ACCSL: variants seen among roughly 807,000 people sequenced by gnomAD.
ACCSL encodes probable inactive 1-aminocyclopropane-1-carboxylate synthase-like protein 2.
A neutral mutation model predicts 61.7 loss-of-function variants in ACCSL; 55 were observed. That is an observed-to-expected ratio of 0.89 (90% CI 0.72 to 1.12). The LOEUF is 1.12. Among genes scored for constraint, ACCSL ranks in the 50% most tolerant of loss-of-function variants. The pLI is 0.00. For synonymous variants in ACCSL, 258 were observed against 264.3 expected (o/e 0.98, Z 0.23); for missense variants, 632 against 698.0 (o/e 0.91, Z 1.07).
the ACCSL span, among the ~76,000 whole-genome samples, chr11:43,958,474 A>C: frequency 1.3e-5 from 2 of 152,178 alleles, no homozygotes; most frequent in African/African-American, 4.8e-5. Flanking sequence ...TCTGATCCCC[A>C]AGTTTTCAGG....
intron 13 of ACCSL, 57 bp from the exon 14 acceptor site, chr11:44,059,781 C>G (rs1952696208): frequency 6.7e-7 from 1 of 1,500,582 alleles, no homozygotes; most frequent in Admixed American, 1.7e-5. Flanking sequence ...ATGTCTGGGA[C>G]CCACCAGCAA....
the ACCSL span, among the ~76,000 whole-genome samples, chr11:44,027,836 A>G: frequency 6.6e-6 from 1 of 152,206 alleles, no homozygotes. Flanking sequence ...AGGACAAGGC[A>G]TATATATAAT....
the ACCSL span, among the ~76,000 whole-genome samples, chr11:44,029,061 A>G: frequency 6.6e-6 from 1 of 152,168 alleles, no homozygotes; most frequent in East Asian, 1.9e-4. Context: ...TGGGGCTATT[A>G]TGATGTCCTC....
chr11:44,032,071 C>T, the ACCSL span, among the ~76,000 whole-genome samples: 146 of 152,274 alleles, frequency 9.6e-4, no homozygotes, highest in Middle Eastern at 0.02. Flanking sequence ...ACAAACTGTC[C>T]TCATACTTAG....
the ACCSL span, among the ~76,000 whole-genome samples, chr11:43,949,826 A>G: frequency 1.8e-5 from 2 of 113,062 alleles, no homozygotes; most frequent in African/African-American, 3.3e-5. Flanking sequence ...AAAAAAACAA[A>G]CAAACAACAA....
chr11:43,970,183 G>A, the ACCSL span, among the ~76,000 whole-genome samples: 2 of 151,962 alleles, frequency 1.3e-5, no homozygotes, highest in African/African-American at 4.8e-5. Context: ...TGGGAGGATC[G>A]CTCGAGTGAT....
At chr11:44,051,045 G>C (rs1472880238) in intron 3 of ACCSL, among the ~76,000 whole-genome samples, 2 of 152,120 alleles carry the variant, frequency 1.3e-5, no homozygotes, top group Non-Finnish European at 1.5e-5. Flanking sequence ...GTTTCACCAT[G>C]TTTGCCAGCT....
the ACCSL span, among the ~76,000 whole-genome samples, chr11:44,000,528 A>AAG: frequency 6.8e-6 from 1 of 148,066 alleles, no homozygotes; most frequent in Non-Finnish European, 1.5e-5. Flanking sequence ...TCTGTCTCAA[A>AAG]AAAAAAAAAA....
At chr11:43,996,854 C>T in the ACCSL span, among the ~76,000 whole-genome samples, 1 of 149,982 alleles carries the variant, frequency 6.7e-6, no homozygotes, top group African/African-American at 2.5e-5. Flanking sequence ...GCTCTGTCAC[C>T]CAGGCTAAAG....
chr11:43,986,218 C>T, the ACCSL span, among the ~76,000 whole-genome samples: 2 of 152,122 alleles, frequency 1.3e-5, no homozygotes, highest in African/African-American at 4.8e-5. Flanking sequence ...CCAACACTGC[C>T]ACCCTTCAGG....
the ACCSL span, among the ~76,000 whole-genome samples, chr11:44,019,497 T>C: frequency 6.6e-6 from 1 of 152,328 alleles, no homozygotes; most frequent in East Asian, 1.9e-4. Flanking sequence ...TATCTAATTG[T>C]GGTTTTTGAG....
At chr11:43,976,478 G>T in the ACCSL span, among the ~76,000 whole-genome samples, 1 of 152,186 alleles carries the variant, frequency 6.6e-6, no homozygotes, top group Non-Finnish European at 1.5e-5. Context: ...CTAAGTATTT[G>T]TTAAGGTAAT....
the ACCSL span, among the ~76,000 whole-genome samples, chr11:43,929,900 G>A: frequency 6.6e-6 from 1 of 152,118 alleles, no homozygotes; most frequent in Non-Finnish European, 1.5e-5. Context: ...CTGTGTAGAC[G>A]TGTTGAGAGC....
chr11:44,043,599 TCTAA>T (rs1166111795), upstream of ACCSL, among the ~76,000 whole-genome samples: 4 of 152,218 alleles, frequency 2.6e-5, no homozygotes, highest in Admixed American at 1.3e-4. Context: ...TGCTTTGATG[TCTAA>T]CTATCTAGCA....
At chr11:44,032,987 C>T in the ACCSL span, among the ~76,000 whole-genome samples, 4 of 152,154 alleles carry the variant, frequency 2.6e-5, no homozygotes, top group Admixed American at 2.6e-4. Context: ...CAGGAACTCC[C>T]TCCAAAATGT....
At chr11:43,967,769 T>C in the ACCSL span, among the ~76,000 whole-genome samples, 1 of 152,186 alleles carries the variant, frequency 6.6e-6, no homozygotes, top group Non-Finnish European at 1.5e-5. Context: ...TTATAAGCCA[T>C]TGAACGAGTT....
the ACCSL span, among the ~76,000 whole-genome samples, chr11:44,028,084 T>C: frequency 1.3e-5 from 2 of 152,080 alleles, no homozygotes; most frequent in Admixed American, 1.3e-4. Context: ...GAAGATTGCC[T>C]GAGCCTAGGA....
At chr11:44,043,519 T>C (rs1952585288), upstream of ACCSL, among the ~76,000 whole-genome samples, 2 of 152,234 alleles carry the variant, frequency 1.3e-5, no homozygotes, top group African/African-American at 4.8e-5. Flanking sequence ...ATCTTTGTCT[T>C]GTTTTTTGTA....
the ACCSL span, among the ~76,000 whole-genome samples, chr11:43,982,467 A>G: frequency 6.6e-6 from 1 of 151,668 alleles, no homozygotes; most frequent in African/African-American, 2.4e-5. Context: ...ACCTGAAGTG[A>G]TCAGCCCGCC....
Sources: gnomAD v4.1 joint callset for allele counts (sites outside exome capture counted in the v4.1 genomes callset) on GRCh38, gnomAD v4.1.1 for gene constraint, MANE v1.5 for transcripts, NCBI Gene and HGNC (gene_info 2026-07-23, HGNC 2026-07-21) for gene names.